Variants in PPARGC1A observed in about 807,000 individuals in gnomAD.
The protein encoded by PPARGC1A is peroxisome proliferator-activated receptor gamma coactivator 1-alpha.
A neutral mutation model predicts 88.7 loss-of-function variants in PPARGC1A; 25 were observed. That is an observed-to-expected ratio of 0.28 (90% confidence interval 0.21 to 0.39). The LOEUF (loss-of-function observed/expected upper bound fraction) is 0.39, where lower values mean the gene tolerates loss of function less well. PPARGC1A is among the 10% of genes least tolerant of loss of function. PPARGC1A has a pLI of 1.00. For synonymous variants in PPARGC1A, 363 were observed against 355.6 expected, an observed-to-expected ratio of 1.02 and a Z score of -0.24; for missense variants, 880 against 968.7, an observed-to-expected ratio of 0.91 and a Z score of 1.22.
At chr4:23,821,999 C>T (rs147939774) in intron 7 of PPARGC1A, among the ~76,000 whole-genome samples, 18 of 152,174 alleles carry the variant, frequency 1.2e-4, no homozygotes, top group African/African-American at 4.3e-4. Flanking sequence ...TTTTGTGTGT[C>T]AAAAATGATT....
chr4:23,868,728 G>T (rs1354596685), intron 2 of PPARGC1A, among the ~76,000 whole-genome samples: 2 of 152,136 alleles, frequency 1.3e-5, no homozygotes. Flanking sequence ...CTAAATTTCG[G>T]GACTTAATAG....
chr4:23,844,505 TA>T (rs1293776131), intron 2 of PPARGC1A, among the ~76,000 whole-genome samples: 482 of 17,708 alleles, frequency 0.027, 7 homozygotes, highest in Middle Eastern at 0.083. Context: ...ATATATAATA[TA>T]ATAATATAAT....
chr4:24,338,586 A>G, the PPARGC1A span, among the ~76,000 whole-genome samples: 730 of 152,316 alleles, frequency 4.8e-3, 1 homozygote, highest in Non-Finnish European at 8.5e-3. Context: ...GTTGCCAAGA[A>G]GTCTTTCAAA....
the PPARGC1A span, among the ~76,000 whole-genome samples, chr4:24,022,127 T>C: frequency 2.6e-5 from 4 of 152,152 alleles, no homozygotes; most frequent in East Asian, 1.9e-4. Flanking sequence ...TACAGGTGGA[T>C]GGATGAGCAT....
chr4:23,853,938 G>A (rs1305069382), intron 2 of PPARGC1A, among the ~76,000 whole-genome samples: 1 of 152,132 alleles, frequency 6.6e-6, no homozygotes, highest in Non-Finnish European at 1.5e-5. Context: ...ACTTGTCTGG[G>A]ACCAGTTCCC....
At chr4:23,969,977 A>T in the PPARGC1A span, among the ~76,000 whole-genome samples, 1 of 152,202 alleles carries the variant, frequency 6.6e-6, no homozygotes, top group African/African-American at 2.4e-5. Context: ...ATTCTATCCA[A>T]CATGCCAAAA....
the PPARGC1A span, among the ~76,000 whole-genome samples, chr4:24,344,024 A>G: frequency 1.8e-4 from 27 of 152,084 alleles, no homozygotes; most frequent in African/African-American, 6.5e-4. Flanking sequence ...TACCTCACTT[A>G]GAATAATAGT....
Position 23,811,889 on chromosome 4 carries a change from CTTTTTTTTTTTTTTTTTTTTTTTTTTTTT to C in PPARGC1A, c.2019+829_2019+857del, listed in dbSNP as rs71196134. Among the ~76,000 whole-genome samples, 311 of 59,080 alleles carry C rather than the reference CTTTTTTTTTTTTTTTTTTTTTTTTTTTTT, an allele frequency of 5.3e-3. 4 individuals are homozygous for C. The highest frequency in any genetic ancestry group is 0.02 in the African/African-American group (294 of 14,846). The allele number at this position is 59,080 out of a possible 152,430, so 38.8% of individuals were successfully genotyped here. On this transcript the variant is annotated intron_variant, in intron 10 of 12. Transcript: ENST00000264867. ...GACGACCATCACGCAGAAGAAATGA[CTTTTTTTTTTTTTTTTTTTTTTTTTTTTT>C]TTTTTTTTTTTTTTTTTGAGACAGA...
chr4:23,930,398 C>T, the PPARGC1A span, among the ~76,000 whole-genome samples: 1 of 152,118 alleles, frequency 6.6e-6, no homozygotes, highest in African/African-American at 2.4e-5. Flanking sequence ...CGCCTTCTGA[C>T]CACTGACATT....
At chr4:24,004,725 G>T in the PPARGC1A span, among the ~76,000 whole-genome samples, 5 of 152,174 alleles carry the variant, frequency 3.3e-5, no homozygotes, top group Non-Finnish European at 5.9e-5. Context: ...CGAGCCACAC[G>T]TTATGAAAAA....
At chr4:24,317,554 C>CAAAAAAAAAAAAAAAA in the PPARGC1A span, among the ~76,000 whole-genome samples, 12 of 14,254 alleles carry the variant, frequency 8.4e-4, no homozygotes, top group Non-Finnish European at 1.9e-3. Flanking sequence ...GTTCAGAGGA[C>CAAAAAAAAAAAAAAAA]TAAAAAAAAA....
At chr4:24,120,469 C>T in the PPARGC1A span, among the ~76,000 whole-genome samples, 169 of 152,230 alleles carry the variant, frequency 1.1e-3, 2 homozygotes, top group African/African-American at 3.4e-3. Flanking sequence ...TCGTTTAACC[C>T]CCATAAAGAC....
At chr4:23,910,419 AT>A in the PPARGC1A span, among the ~76,000 whole-genome samples, 155 of 117,410 alleles carry the variant, frequency 1.3e-3, 1 homozygote, top group Middle Eastern at 3.8e-3. Flanking sequence ...CCCTATATAT[AT>A]TATTAATATA....
the PPARGC1A span, among the ~76,000 whole-genome samples, chr4:24,188,445 T>C: frequency 6.6e-6 from 1 of 152,144 alleles, no homozygotes; most frequent in Non-Finnish European, 1.5e-5. Flanking sequence ...ATGTATGTAA[T>C]ACCGCTGAAC....
chr4:24,235,998 C>G, the PPARGC1A span, among the ~76,000 whole-genome samples: 319 of 152,308 alleles, frequency 2.1e-3, 3 homozygotes, highest in African/African-American at 7.4e-3. Flanking sequence ...CCACCACTAG[C>G]AATTAAGTTA....
chr4:24,201,413 C>G, the PPARGC1A span, among the ~76,000 whole-genome samples: 1 of 152,354 alleles, frequency 6.6e-6, no homozygotes, highest in East Asian at 1.9e-4. Context: ...AATCCCTCCA[C>G]CTGGGTGTTG....
At chr4:24,224,218 TGCACGCCTA>T in the PPARGC1A span, among the ~76,000 whole-genome samples, 9 of 152,300 alleles carry the variant, frequency 5.9e-5, no homozygotes, top group South Asian at 1.5e-3. Context: ...CCATGCAGAC[TGCACGCCTA>T]CTGTCACATT....
At chr4:23,830,550 T>C (rs1480834973) in intron 3 of PPARGC1A, among the ~76,000 whole-genome samples, 2 of 152,220 alleles carry the variant, frequency 1.3e-5, no homozygotes, top group African/African-American at 2.4e-5. Flanking sequence ...ATATTCTCCA[T>C]ATGAGAAACC....
At chr4:23,886,621 T>C (rs1716935885) in intron 1 of PPARGC1A, among the ~76,000 whole-genome samples, 1 of 152,146 alleles carries the variant, frequency 6.6e-6, no homozygotes, top group Non-Finnish European at 1.5e-5. Context: ...CAGATCAGTA[T>C]ACTTGACAAG....
Sources: gnomAD v4.1 joint callset for allele counts (sites outside exome capture counted in the v4.1 genomes callset) on GRCh38, gnomAD v4.1.1 for gene constraint, MANE v1.5 for transcripts, NCBI Gene and HGNC (gene_info 2026-07-23, HGNC 2026-07-21) for gene names.